Variants in TOX observed in about 807,000 individuals in gnomAD.
The protein encoded by TOX is thymocyte selection associated high mobility group box.
A neutral mutation model predicts 53.7 loss-of-function variants in TOX; 11 were observed. The ratio of observed to expected loss-of-function variants is 0.20; its 90% CI spans 0.13 to 0.34. The LOEUF is 0.34. Among genes scored for constraint, TOX ranks in the 10% least tolerant of loss-of-function variants. The pLI is 1.00. For synonymous variants in TOX, 225 were observed against 245.3 expected (o/e 0.92, Z 0.77); for missense variants, 570 against 664.6 (o/e 0.86, Z 1.56).
chr8:58,927,052 T>A (rs1812175073), intron 3 of TOX, among the ~76,000 whole-genome samples: 1 of 152,098 alleles, frequency 6.6e-6, no homozygotes, highest in Admixed American at 6.5e-5. Flanking sequence ...CACACCTTTT[T>A]TTTTTTTTTC....
chr8:58,890,238 T>A (rs1032017390), intron 3 of TOX, among the ~76,000 whole-genome samples: 1 of 142,542 alleles, frequency 7.0e-6, no homozygotes, highest in Admixed American at 7.0e-5. Flanking sequence ...CCAATGTAGT[T>A]ATCATATTCA....
At chr8:58,885,868 T>C (rs1269132274) in intron 3 of TOX, among the ~76,000 whole-genome samples, 1 of 152,148 alleles carries the variant, frequency 6.6e-6, no homozygotes, top group Admixed American at 6.6e-5. Flanking sequence ...ACATAATATA[T>C]CCTGAAACTT....
chr8:58,904,174 C>G (rs781061967), intron 3 of TOX, among the ~76,000 whole-genome samples: 9 of 152,108 alleles, frequency 5.9e-5, no homozygotes, highest in African/African-American at 9.7e-5. Context: ...TCTGGTCCCA[C>G]AGAATGCTTC....
intron 1 of TOX, among the ~76,000 whole-genome samples, chr8:58,998,868 T>C (rs1052491862): frequency 2.0e-5 from 3 of 151,984 alleles, no homozygotes; most frequent in African/African-American, 4.8e-5. Flanking sequence ...GTGCAAAACA[T>C]TGAGTTTCCT....
intron 3 of TOX, among the ~76,000 whole-genome samples, chr8:58,879,045 A>C (rs1811336692): frequency 6.8e-6 from 1 of 147,538 alleles, no homozygotes; most frequent in African/African-American, 2.6e-5. Context: ...TAGGCGACAA[A>C]GCAAGACTTC....
intron 5 of TOX, among the ~76,000 whole-genome samples, chr8:58,831,755 T>C (rs1810457299): frequency 6.6e-6 from 1 of 152,186 alleles, no homozygotes; most frequent in Non-Finnish European, 1.5e-5. Context: ...GAAATATTTA[T>C]TGAGCATCTA....
At chr8:58,861,659 G>A (rs1304314792) in intron 3 of TOX, among the ~76,000 whole-genome samples, 1 of 152,184 alleles carries the variant, frequency 6.6e-6, no homozygotes, top group Non-Finnish European at 1.5e-5. Context: ...AAATTGGGAC[G>A]TACTGGGAGA....
At chr8:58,971,158 A>C (rs1026547965) in intron 1 of TOX, among the ~76,000 whole-genome samples, 14 of 152,234 alleles carry the variant, frequency 9.2e-5, no homozygotes, top group African/African-American at 3.4e-4. Flanking sequence ...TCCAGATCAC[A>C]CTGGTTTGTT....
At chr8:58,859,383 A>G (rs1162362774) in intron 3 of TOX, among the ~76,000 whole-genome samples, 1 of 152,180 alleles carries the variant, frequency 6.6e-6, no homozygotes, top group Non-Finnish European at 1.5e-5. Flanking sequence ...TCAACTCTGC[A>G]TTTCCAAAAA....
At chr8:58,890,354 G>C (rs920809959) in intron 3 of TOX, among the ~76,000 whole-genome samples, 2 of 152,142 alleles carry the variant, frequency 1.3e-5, no homozygotes, top group African/African-American at 4.8e-5. Flanking sequence ...ATGTCCACTT[G>C]AGAGCATCTT....
rs144033444 is a variant in TOX, at chr8:58,850,547, TGA to T, written c.693+975_693+976del. ...GTAGAGGGAATACTGGCTTCATATG[TGA>T]GAGTTTTTAAAGGAGATGTTTTGGG... On this transcript the variant is annotated intron_variant, in intron 4 of 8. Transcript: ENST00000361421. Among the ~76,000 whole-genome samples, 588 of 152,260 alleles carry T rather than the reference TGA, an allele frequency of 3.9e-3. 6 individuals are homozygous for T. Among genetic ancestry groups the T allele is most frequent in the African/African-American group, 0.013 (559 of 41,550 alleles).
chr8:58,942,919 T>C (rs1344368606), intron 2 of TOX, among the ~76,000 whole-genome samples: 1 of 152,168 alleles, frequency 6.6e-6, no homozygotes, highest in Non-Finnish European at 1.5e-5. Flanking sequence ...CTGCTCCCCC[T>C]TCACCTTCCA....
Position 58,851,843 on chromosome 8 carries a change from A to AT in TOX, c.412-39dup. Reference sequence around the variant, plus strand: ...AATAAATAAATAAATAAATAAATAAATAAATAGGAAAGGAGTAATTTTAAC... The same window carrying AT: ...AATAAATAAATAAATAAATAAATAAATTAAATAGGAAAGGAGTAATTTTAAC... On this transcript the variant is annotated intron_variant, in intron 3 of 8. Coordinates refer to ENST00000361421, the MANE Select transcript of TOX (RefSeq NM_014729.3). This position sits in a 1 kb window ranked among gnomAD's most constrained non-coding sequence, Gnocchi z 4.4. The AT allele has an allele frequency of 7.9e-7, 1 of 1,259,776 alleles. No homozygotes were observed. The highest frequency in any genetic ancestry group is 1.0e-6 in the Non-Finnish European group (1 of 989,642). 78.0% of individuals were successfully genotyped at this position (1,259,776 alleles called of 1,614,324 possible). A position where few individuals can be genotyped will look rare whatever the true frequency, so the allele number is the denominator to read the frequency against.
At chr8:58,876,322 A>G (rs536353947) in intron 3 of TOX, among the ~76,000 whole-genome samples, 56 of 152,266 alleles carry the variant, frequency 3.7e-4, no homozygotes, top group African/African-American at 1.3e-3. Flanking sequence ...TCAGGCTGAT[A>G]TTGGGTCCTG....
intron 1 of TOX, among the ~76,000 whole-genome samples, chr8:58,963,827 C>T (rs1002248948): frequency 6.6e-6 from 1 of 152,146 alleles, no homozygotes; most frequent in Non-Finnish European, 1.5e-5. Flanking sequence ...GCATACCTTC[C>T]TTATCTTTAG....
intron 1 of TOX, among the ~76,000 whole-genome samples, chr8:58,996,606 C>T (rs1321261292): frequency 6.6e-6 from 1 of 152,080 alleles, no homozygotes; most frequent in Non-Finnish European, 1.5e-5. Context: ...TTTTCCTGTA[C>T]CTTTATGTTG....
chr8:59,074,477 G>A (rs1284886985), intron 1 of TOX, among the ~76,000 whole-genome samples: 2 of 152,100 alleles, frequency 1.3e-5, no homozygotes, highest in Non-Finnish European at 2.9e-5. Flanking sequence ...CGTAAGATAT[G>A]CGGATGGATC....
chr8:58,947,455 A>G (rs1812541711), intron 2 of TOX, among the ~76,000 whole-genome samples: 1 of 152,196 alleles, frequency 6.6e-6, no homozygotes, highest in Non-Finnish European at 1.5e-5. Context: ...AGCTATATGT[A>G]ATTTACAGCA....
intron 1 of TOX, among the ~76,000 whole-genome samples, chr8:59,052,210 C>T (rs1803804208): frequency 6.6e-6 from 1 of 152,158 alleles, no homozygotes; most frequent in African/African-American, 2.4e-5. Context: ...ATCATTATAA[C>T]ATTATTTTAT....
Sources: gnomAD v4.1 joint callset for allele counts (sites outside exome capture counted in the v4.1 genomes callset) on GRCh38, gnomAD v4.1.1 for gene constraint, Gnocchi (gnomAD v3.1) non-coding constraint, MANE v1.5 for transcripts, NCBI Gene and HGNC (gene_info 2026-07-23, HGNC 2026-07-21) for gene names.